The following IGF2BP2 variants were observed in gnomAD, a reference collection of about 807,000 sequenced individuals.
The protein encoded by IGF2BP2 is insulin like growth factor 2 mRNA binding protein 2.
Under a neutral mutation model 75.8 loss-of-function variants are expected in IGF2BP2, and 17 were observed. The observed-to-expected ratio is 0.22, with a 90% CI of 0.15 to 0.34. The LOEUF is 0.34. Ranked by LOEUF, IGF2BP2 falls within the 10% of genes least tolerant of loss-of-function variation. IGF2BP2 has a pLI of 1.00. For synonymous variants in IGF2BP2, 288 were observed against 295.6 expected (o/e 0.97, Z 0.26); for missense variants, 516 against 772.4 (o/e 0.67, Z 3.93).
At chr3:185,716,835 C>G (rs1725708594) in intron 2 of IGF2BP2, 1 of 513,090 alleles carries the variant, frequency 1.9e-6, no homozygotes, top group Non-Finnish European at 3.9e-6. Context: ...GGCTACGCAG[C>G]CTGGATCAGA....
intron 10 of IGF2BP2, among the ~76,000 whole-genome samples, chr3:185,672,193 C>T (rs1718619951): frequency 1.3e-5 from 2 of 152,020 alleles, no homozygotes; most frequent in Non-Finnish European, 2.9e-5. Flanking sequence ...TCCAGGTACC[C>T]TATATATTTT....
At chr3:185,675,563 A>G in intron 8 of IGF2BP2, 132 bp from the exon 9 acceptor site, 1 of 1,127,680 alleles carries the variant, frequency 8.9e-7, no homozygotes, top group Non-Finnish European at 1.3e-6. Flanking sequence ...ACTGTGGTGG[A>G]GAATCCCTGC....
At chr3:185,736,467 C>T (rs1728863377) in intron 2 of IGF2BP2, among the ~76,000 whole-genome samples, 1 of 152,212 alleles carries the variant, frequency 6.6e-6, no homozygotes, top group South Asian at 2.1e-4. Flanking sequence ...TTGACACTGC[C>T]ATGGGTTCGG....
intron 12 of IGF2BP2, among the ~76,000 whole-genome samples, chr3:185,656,355 C>T (rs1453974767): frequency 1.3e-5 from 2 of 152,254 alleles, no homozygotes; most frequent in African/African-American, 4.8e-5. Context: ...AATGATTCAC[C>T]AAAGTGAAAT....
chr3:185,683,916 T>C (rs889506287), intron 7 of IGF2BP2, among the ~76,000 whole-genome samples: 1 of 152,216 alleles, frequency 6.6e-6, no homozygotes, highest in Non-Finnish European at 1.5e-5. Context: ...TCTGGGTCTC[T>C]GGGCCCATGA....
intron 2 of IGF2BP2, among the ~76,000 whole-genome samples, chr3:185,772,955 G>T (rs1241192525): frequency 6.6e-6 from 1 of 152,084 alleles, no homozygotes; most frequent in Non-Finnish European, 1.5e-5. Flanking sequence ...TTAATGAATG[G>T]GCAGAAGACT....
chr3:185,803,989 C>T (rs1048053756), intron 2 of IGF2BP2, among the ~76,000 whole-genome samples: 2 of 151,350 alleles, frequency 1.3e-5, no homozygotes, highest in Non-Finnish European at 2.9e-5. Context: ...CCAGGTGCAG[C>T]GGCTCACGCC....
chr3:185,807,717 A>C (rs1248898427), intron 2 of IGF2BP2, among the ~76,000 whole-genome samples: 1 of 152,252 alleles, frequency 6.6e-6, no homozygotes, highest in African/African-American at 2.4e-5. Flanking sequence ...GCATCATAAA[A>C]GAAAAGGTGA....
At chr3:185,741,003 AG>A (rs2149566276) in intron 2 of IGF2BP2, among the ~76,000 whole-genome samples, 2 of 152,182 alleles carry the variant, frequency 1.3e-5, no homozygotes, top group South Asian at 4.2e-4. Flanking sequence ...CAGCCTCCTG[AG>A]TAGCTGGGAT....
intron 2 of IGF2BP2, among the ~76,000 whole-genome samples, chr3:185,765,993 A>G (rs1732991154): frequency 6.6e-6 from 1 of 152,176 alleles, no homozygotes; most frequent in Non-Finnish European, 1.5e-5. Context: ...AACTTTTCCC[A>G]TAAAAGAAGT....
rs191429961 is a variant in IGF2BP2, at chr3:185,795,133, G to A, written c.239+28020C>T. On this transcript the variant is annotated intron_variant, in intron 2 of 15. Transcript: ENST00000382199. ...AGGATGGTCTCGATCTCCTGACCTCGTGATCCACCCACCTCGGCCTCCCAA... is the reference window on the plus strand; with the variant it reads ...AGGATGGTCTCGATCTCCTGACCTCATGATCCACCCACCTCGGCCTCCCAA... Among the ~76,000 whole-genome samples the A allele has an allele frequency of 2.4e-3, 364 of 152,058 alleles. 1 individual carries two copies. Among genetic ancestry groups the A allele is most frequent in the African/African-American group, 8.2e-3 (342 of 41,458 alleles).
At position 185,746,484 on chromosome 3, in the gene IGF2BP2, G is replaced by A. The variant is rs147144684; in HGVS notation, c.240-48137C>T. 1.3e-3 allele frequency among the ~76,000 whole-genome samples: 194 copies of A among 152,310 alleles called. 2 individuals carry two copies. Among genetic ancestry groups the A allele is most frequent in the Middle Eastern group, 0.01 (3 of 294 alleles). ...CGATTATTTTCCTATGAGCAAAACC[G>A]TGGAGGCCACCATCCTAATTCAGAA... On this transcript the variant is annotated intron_variant, in intron 2 of 15. Transcript: ENST00000382199.
intron 12 of IGF2BP2, among the ~76,000 whole-genome samples, chr3:185,656,232 T>C (rs1174806266): frequency 6.6e-6 from 1 of 152,228 alleles, no homozygotes; most frequent in South Asian, 2.1e-4. Flanking sequence ...TATCAGTGCC[T>C]AGGCCGGGGT....
chr3:185,730,059 A>G (rs1232069954), intron 2 of IGF2BP2, among the ~76,000 whole-genome samples: 3 of 152,150 alleles, frequency 2.0e-5, no homozygotes, highest in African/African-American at 4.8e-5. Context: ...TTGGGTTTCT[A>G]CTGAACCCAT....
At chr3:185,664,681 A>C (rs917038570) in intron 10 of IGF2BP2, among the ~76,000 whole-genome samples, 1 of 152,224 alleles carries the variant, frequency 6.6e-6, no homozygotes, top group Non-Finnish European at 1.5e-5. Flanking sequence ...GAGGATGTAC[A>C]AATAGTAGGG....
At chr3:185,764,748 T>G (rs1266275383) in intron 2 of IGF2BP2, among the ~76,000 whole-genome samples, 2 of 152,198 alleles carry the variant, frequency 1.3e-5, no homozygotes, top group African/African-American at 4.8e-5. Context: ...CTACTGCCTG[T>G]GAGTAAGAAA....
At chr3:185,745,096 A>T (rs1236881034) in intron 2 of IGF2BP2, among the ~76,000 whole-genome samples, 1 of 152,188 alleles carries the variant, frequency 6.6e-6, no homozygotes, top group Non-Finnish European at 1.5e-5. Flanking sequence ...CTGCACTTGG[A>T]GGCCTCATTC....
At chr3:185,766,775 C>T (rs1450630092) in intron 2 of IGF2BP2, among the ~76,000 whole-genome samples, 1 of 152,206 alleles carries the variant, frequency 6.6e-6, no homozygotes, top group East Asian at 1.9e-4. Flanking sequence ...TTTATCTTCA[C>T]TCCAAGTCAG....
In IGF2BP2 at chr3:185,771,523, C is replaced by T. The variant is rs7631169; in HGVS notation, c.239+51630G>A. On this transcript the variant is annotated intron_variant, in intron 2 of 15. Coordinates refer to ENST00000382199, the MANE Select transcript of IGF2BP2 (RefSeq NM_006548.6). ...ATATGTTTATGAGACTCTGCTAAAA[C>T]ATGTAGGTAATGAGAAATCCATTTT... Among the ~76,000 whole-genome samples the T allele has an allele frequency of 2.9e-3, 436 of 151,454 alleles. 3 individuals carry two copies. The highest frequency in any genetic ancestry group is 3.9e-3 in the Non-Finnish European group (262 of 67,880).
Sources: allele counts gnomAD v4.1 joint callset (sites outside exome capture counted in the v4.1 genomes callset), GRCh38; gene constraint gnomAD v4.1.1; transcripts MANE v1.5; gene names NCBI Gene and HGNC (gene_info 2026-07-23, HGNC 2026-07-21).